The following DACH2 variants were observed in gnomAD, a reference collection of about 807,000 sequenced individuals.
The protein encoded by DACH2 is dachshund homolog 2.
DACH2 carries 17 observed loss-of-function variants against 35.8 expected under a neutral mutation model. The observed-to-expected ratio is 0.48, with a 90% CI of 0.33 to 0.71. The LOEUF is 0.71. Ranked by LOEUF, DACH2 falls within the 30% of genes least tolerant of loss-of-function variation. The probability of loss-of-function intolerance (pLI) is 0.02; values close to 1 mark genes in which losing one functional copy is unlikely to be tolerated. For synonymous variants in DACH2, 195 were observed against 177.3 expected (o/e 1.10, Z -0.79); for missense variants, 469 against 472.7 (o/e 0.99, Z 0.07).
intron 1 of DACH2, among the ~76,000 whole-genome samples, chrX:86,299,054 A>G (rs1166460251): frequency 8.9e-6 from 1 of 111,967 alleles, no homozygotes; most frequent in Non-Finnish European, 1.9e-5. Context: ...TTGTATCTTT[A>G]GATTCTGGGA....
At chrX:86,748,797 C>A (rs1757497700) in intron 7 of DACH2, among the ~76,000 whole-genome samples, 1 of 111,759 alleles carries the variant, frequency 8.9e-6, no homozygotes, top group Non-Finnish European at 1.9e-5. Flanking sequence ...GGCTTCTCTT[C>A]TCTAGCTATG....
At chrX:86,266,014 T>G (rs1471950207) in intron 1 of DACH2, among the ~76,000 whole-genome samples, 1 of 111,678 alleles carries the variant, frequency 9.0e-6, no homozygotes, top group East Asian at 2.8e-4. Context: ...AAAGGCTACT[T>G]TTTTACTCTG....
chrX:86,644,259 G>C (rs895180361), intron 3 of DACH2, among the ~76,000 whole-genome samples: 2 of 111,432 alleles, frequency 1.8e-5, no homozygotes, highest in African/African-American at 3.3e-5. Context: ...AAAATTACTA[G>C]AGTTCCTATA....
At chrX:86,763,497 A>G in intron 7 of DACH2, among the ~76,000 whole-genome samples, 1 of 112,165 alleles carries the variant, frequency 8.9e-6, no homozygotes, top group Non-Finnish European at 1.9e-5. Flanking sequence ...TCTGTCTCCC[A>G]GGCTGGAGTG....
At chrX:86,755,773 A>AT (rs1294846257) in intron 7 of DACH2, among the ~76,000 whole-genome samples, 1 of 107,719 alleles carries the variant, frequency 9.3e-6, no homozygotes, top group African/African-American at 3.4e-5. Flanking sequence ...AATTTTTTGT[A>AT]TTTTTAGTAG....
intron 2 of DACH2, among the ~76,000 whole-genome samples, chrX:86,454,101 G>T (rs756061684): frequency 9.0e-6 from 1 of 111,361 alleles, no homozygotes; most frequent in East Asian, 2.8e-4. Flanking sequence ...TTGAATAGTG[G>T]CCCCCAATCT....
intron 1 of DACH2, 75 bp downstream of exon 1, chrX:86,149,183 C>T: frequency 9.2e-7 from 1 of 1,082,617 alleles, no homozygotes; most frequent in Non-Finnish European, 1.2e-6. Flanking sequence ...CCACCCTCAT[C>T]CAACTTTGTT....
chrX:86,402,711 G>A (rs913890429), intron 2 of DACH2, among the ~76,000 whole-genome samples: 1 of 111,541 alleles, frequency 9.0e-6, no homozygotes, highest in African/African-American at 3.3e-5. Context: ...AATAAAAAGA[G>A]CCCAAATAGT....
chrX:86,608,758 G>A lies in DACH2; in HGVS notation c.641-42278G>A, dbSNP rs775714593. On this transcript the variant is annotated intron_variant, in intron 3 of 11. Transcript: ENST00000373125. Reference sequence around the variant, plus strand: ...GTGGGGTTTTTTGTTTGTTTGTTTTGGTTTTATCCTTCAGCACTTTAAATA... The same window carrying A: ...GTGGGGTTTTTTGTTTGTTTGTTTTAGTTTTATCCTTCAGCACTTTAAATA... 1.1e-4 allele frequency among the ~76,000 whole-genome samples: 12 copies of A among 110,936 alleles called. No homozygotes were observed. In the East Asian group the frequency reaches 3.4e-3, roughly 32 times the overall value.
intron 2 of DACH2, among the ~76,000 whole-genome samples, chrX:86,513,709 G>A (rs900772525): frequency 1.8e-5 from 2 of 112,175 alleles, no homozygotes; most frequent in South Asian, 7.4e-4. Context: ...AGAGTGAACT[G>A]CTTGTTATAC....
chrX:86,591,272 G>A (rs746166384), intron 3 of DACH2, among the ~76,000 whole-genome samples: 110 of 111,327 alleles, frequency 9.9e-4, no homozygotes, highest in African/African-American at 3.2e-3. Flanking sequence ...GAATAGTGCC[G>A]CAATAAACAT....
intron 2 of DACH2, among the ~76,000 whole-genome samples, chrX:86,400,951 T>A (rs1244491018): frequency 3.6e-5 from 4 of 112,528 alleles, no homozygotes; most frequent in Non-Finnish European, 7.5e-5. Context: ...TACTGTCTTT[T>A]GTTTGTCGGT....
intron 7 of DACH2, among the ~76,000 whole-genome samples, chrX:86,784,328 C>T (rs1447858099): frequency 1.8e-5 from 2 of 110,069 alleles, no homozygotes; most frequent in South Asian, 3.9e-4. Flanking sequence ...CCTGAACAGA[C>T]GTCTTTCAAA....
intron 7 of DACH2, among the ~76,000 whole-genome samples, chrX:86,757,707 C>T (rs2041842257): frequency 9.0e-6 from 1 of 111,379 alleles, no homozygotes. Flanking sequence ...AAGTGTGTAG[C>T]ATTTCCCCCT....
At chrX:86,335,096 C>G (rs1282340608) in intron 1 of DACH2, among the ~76,000 whole-genome samples, 1 of 111,252 alleles carries the variant, frequency 9.0e-6, no homozygotes, top group Non-Finnish European at 1.9e-5. Flanking sequence ...TCCGAGGCCT[C>G]TGTTCTGTTC....
intron 2 of DACH2, among the ~76,000 whole-genome samples, chrX:86,489,747 A>G (rs889088386): frequency 8.9e-6 from 1 of 111,900 alleles, no homozygotes; most frequent in Non-Finnish European, 1.9e-5. Flanking sequence ...TTTTTAAAGT[A>G]ATATATCCTC....
At chrX:86,521,380 G>A (rs1430851139) in intron 3 of DACH2, among the ~76,000 whole-genome samples, 1 of 111,512 alleles carries the variant, frequency 9.0e-6, no homozygotes, top group Admixed American at 9.6e-5. Flanking sequence ...TATGTGTCTT[G>A]GGGATGATCT....
At chrX:86,409,125 CA>C (rs915054902) in intron 2 of DACH2, among the ~76,000 whole-genome samples, 1 of 111,194 alleles carries the variant, frequency 9.0e-6, no homozygotes, top group African/African-American at 3.3e-5. Flanking sequence ...AATTAATCAT[CA>C]CTCTTTTTTT....
chrX:86,283,167 A>C (rs2147986668), intron 1 of DACH2, among the ~76,000 whole-genome samples: 1 of 109,522 alleles, frequency 9.1e-6, no homozygotes, highest in East Asian at 2.9e-4. Context: ...TGCAAATCAA[A>C]ACCACAATGA....
Sources: gnomAD v4.1 joint callset for allele counts (sites outside exome capture counted in the v4.1 genomes callset) on GRCh38, gnomAD v4.1.1 for gene constraint, MANE v1.5 for transcripts, NCBI Gene and HGNC (gene_info 2026-07-23, HGNC 2026-07-21) for gene names.